The following ST3GAL4 variants were observed in gnomAD, a reference collection of about 807,000 sequenced individuals.
ST3GAL4 encodes the protein ST3 beta-galactoside alpha-2,3-sialyltransferase 4.
In ST3GAL4, 24 loss-of-function variants were observed where a neutral mutation model predicts 42.6. That is an observed-to-expected ratio of 0.56 (90% confidence interval 0.41 to 0.79). The LOEUF (loss-of-function observed/expected upper bound fraction) is 0.79, where lower values mean the gene tolerates loss of function less well. Among genes scored for constraint, ST3GAL4 ranks in the 30% least tolerant of loss-of-function variants. ST3GAL4 has a pLI of 0.00. For missense variants in ST3GAL4, 311 were observed against 430.8 expected (o/e 0.72, Z 2.46); for synonymous variants, 135 against 163.2 (o/e 0.83, Z 1.32).
chr11:126,409,606 A>G lies in ST3GAL4; in HGVS notation c.771+195A>G, dbSNP rs1954429340. The stretch of plus-strand genomic sequence containing the variant: ...CACTTTAGAGAACCAAGGGGCATTT[A>G]CTAAGTGGGGAGGGATGGGGATGGC... On this transcript the variant is annotated intron_variant, in intron 9 of 10. Transcript: ENST00000444328. This position sits in a 1 kb window ranked among gnomAD's most constrained non-coding sequence, Gnocchi z 4.9. Among the ~76,000 whole-genome samples, 1 of 152,118 alleles carries G rather than the reference A, an allele frequency of 6.6e-6. No individual in the cohort carries two copies.
Position 126,390,618 on chromosome 11 carries a change from CTTTT to C in ST3GAL4, c.-60-15462_-60-15459del, listed in dbSNP as rs58153137. Among the ~76,000 whole-genome samples, 227 of 126,658 alleles carry C rather than the reference CTTTT, an allele frequency of 1.8e-3. 1 individual carries two copies. The highest frequency in any genetic ancestry group is 8.8e-3 in the Middle Eastern group (2 of 228). The allele number at this position is 126,658 out of a possible 152,430, so 83.1% of individuals were successfully genotyped here. A position where few individuals can be genotyped will look rare whatever the true frequency, so the allele number is the denominator to read the frequency against. ...GTGAATTGCCTTTTTGTGTTCTTTG[CTTTT>C]TTTTTTTTTTTTTTTATTTCTTTGA... On this transcript the variant is annotated intron_variant, in intron 1 of 10. Transcript: ENST00000444328.
intron 1 of ST3GAL4, among the ~76,000 whole-genome samples, chr11:126,402,915 G>T (rs1017713390): frequency 6.6e-6 from 1 of 152,236 alleles, no homozygotes; most frequent in Non-Finnish European, 1.5e-5. Flanking sequence ...TGCCCAGCAG[G>T]TCGGGTGAGC....
intron 1 of ST3GAL4, among the ~76,000 whole-genome samples, chr11:126,369,720 A>G (rs999302320): frequency 6.6e-6 from 1 of 152,122 alleles, no homozygotes; most frequent in Non-Finnish European, 1.5e-5. Context: ...TCAAATTATT[A>G]CTTCAAAATG....
rs112013079 is a variant in ST3GAL4 at position 126,379,541 on chromosome 11, G to T, written c.-61+23699G>T. The stretch of plus-strand genomic sequence containing the variant: ...TGCCCAGGCTGCAGTGCAGTGGCAC[G>T]ATCTTGGCTCACTGCAACCTCCACC... On this transcript the variant is annotated intron_variant, in intron 1 of 10. Transcript: ENST00000444328. This position sits in a 1 kb window ranked among gnomAD's most constrained non-coding sequence, Gnocchi z 4.2. 5.3e-5 allele frequency among the ~76,000 whole-genome samples: 8 copies of T among 152,056 alleles called. No homozygotes were observed. The highest frequency in any genetic ancestry group is 8.8e-5 in the Non-Finnish European group (6 of 68,002).
rs897630720 is a variant in ST3GAL4 at position 126,411,483 on chromosome 11, C to T, written c.772-2022C>T. Among the ~76,000 whole-genome samples, 5 of 152,104 alleles carry T rather than the reference C, an allele frequency of 3.3e-5. No individual in the cohort carries two copies. Among genetic ancestry groups the T allele is most frequent in the Admixed American group, 6.6e-5 (1 of 15,264 alleles). ...CCCTAACTAATACCACAAGTTTAGC[C>T]GGCTAAAACAATACCCATGTACTGG... On this transcript the variant is annotated intron_variant, in intron 9 of 10. Transcript: ENST00000444328. This position sits in a 1 kb window ranked among gnomAD's most constrained non-coding sequence, Gnocchi z 6.3.
Position 126,392,227 on chromosome 11 carries a change from A to T in ST3GAL4, c.-60-13869A>T. The stretch of plus-strand genomic sequence containing the variant: ...TCATCTCAGGTTGACCCCCGTTAGG[A>T]GGAAGTAAGTAGGAAGGAAGGAGAT... On this transcript the variant is annotated intron_variant, in intron 1 of 10. Transcript: ENST00000444328. This position sits in a 1 kb window ranked among gnomAD's most constrained non-coding sequence, Gnocchi z 5.8. 1.3e-6 allele frequency: 1 copy of T among 795,928 alleles called. No homozygotes were observed. 49.3% of individuals were successfully genotyped at this position (795,928 alleles called of 1,614,324 possible). A position where few individuals can be genotyped will look rare whatever the true frequency, so the allele number is the denominator to read the frequency against.
At chr11:126,367,189 C>T (rs1952461637) in intron 1 of ST3GAL4, among the ~76,000 whole-genome samples, 1 of 152,116 alleles carries the variant, frequency 6.6e-6, no homozygotes, top group African/African-American at 2.4e-5. Flanking sequence ...GCACCAACTC[C>T]AGGAGGTGCT....
intron 1 of ST3GAL4, among the ~76,000 whole-genome samples, chr11:126,360,741 A>G (rs1272977494): frequency 1.3e-5 from 2 of 152,166 alleles, no homozygotes; most frequent in African/African-American, 2.4e-5. Context: ...TGTCTTGTTC[A>G]CTGGTGTATT....
chr11:126,382,013 C>T (rs992903439), intron 1 of ST3GAL4, among the ~76,000 whole-genome samples: 44 of 152,190 alleles, frequency 2.9e-4, no homozygotes, highest in African/African-American at 9.6e-4. Context: ...CTGGCCTTGG[C>T]CCACCCCCAT....
intron 1 of ST3GAL4, among the ~76,000 whole-genome samples, chr11:126,356,500 A>G (rs1351010137): frequency 2.0e-5 from 3 of 152,332 alleles, no homozygotes; most frequent in Admixed American, 2.0e-4. Context: ...CGGCCAGCCC[A>G]GAACTGCCAA....
Position 126,378,600 on chromosome 11 carries a change from G to C in ST3GAL4, c.-61+22758G>C, listed in dbSNP as rs1305960805. Among the ~76,000 whole-genome samples, 1 of 152,092 alleles carries C rather than the reference G, an allele frequency of 6.6e-6. No homozygotes were observed. The highest frequency in any genetic ancestry group is 2.4e-5 in the African/African-American group (1 of 41,410). ...TTTTTTGTATTTTTAGTAGAGACAGGGTTTCACCGTGTTAGCCAGGATGGT... is the reference window on the plus strand; with the variant it reads ...TTTTTTGTATTTTTAGTAGAGACAGCGTTTCACCGTGTTAGCCAGGATGGT... On this transcript the variant is annotated intron_variant, in intron 1 of 10. Coordinates refer to ENST00000444328, the MANE Select transcript of ST3GAL4 (RefSeq NM_001254757.2). This position sits in a 1 kb window ranked among gnomAD's most constrained non-coding sequence, Gnocchi z 5.3.
chr11:126,381,788 G>A (rs1312817037), intron 1 of ST3GAL4, among the ~76,000 whole-genome samples: 15 of 151,878 alleles, frequency 9.9e-5, no homozygotes, highest in African/African-American at 3.4e-4. Flanking sequence ...TTCCTTGGCC[G>A]CAGCCTGTAA....
rs1954334145 is a variant in ST3GAL4, at chr11:126,408,000, G to A, written c.342-99G>A. The A allele has an allele frequency of 3.0e-6, 4 of 1,328,160 alleles. No homozygotes were observed. The East Asian group carries it at 9.9e-5, about 33-fold the overall frequency. The allele number at this position is 1,328,160 out of a possible 1,614,324, so 82.3% of individuals were successfully genotyped here. On this transcript the variant is annotated intron_variant, in intron 6 of 10. Coordinates refer to ENST00000444328, the MANE Select transcript of ST3GAL4 (RefSeq NM_001254757.2). ...CTTCATGGGGACCAGGGGCTGAGGG[G>A]GCCTAGGAAGTGGTCCTGAGATGGG...
intron 1 of ST3GAL4, among the ~76,000 whole-genome samples, chr11:126,369,091 C>T (rs973969671): frequency 2.0e-5 from 3 of 152,234 alleles, no homozygotes; most frequent in Admixed American, 6.5e-5. Flanking sequence ...GGGTAGGACA[C>T]AAGGAGGGCA....
At chr11:126,365,807 G>A (rs1052926933) in intron 1 of ST3GAL4, among the ~76,000 whole-genome samples, 7 of 152,188 alleles carry the variant, frequency 4.6e-5, no homozygotes, top group Admixed American at 2.6e-4. Context: ...GGGCACAGGT[G>A]CAGAGAGGCT....
chr11:126,360,761 C>G (rs1293654771), intron 1 of ST3GAL4, among the ~76,000 whole-genome samples: 2 of 152,188 alleles, frequency 1.3e-5, no homozygotes, highest in Non-Finnish European at 2.9e-5. Context: ...TTTCTTAATG[C>G]CTGGAATGAT....
At position 126,391,771 on chromosome 11, in the gene ST3GAL4, G is replaced by A. The variant is rs184750913; in HGVS notation, c.-60-14325G>A. Among the ~76,000 whole-genome samples the A allele has an allele frequency of 1.3e-5, 2 of 152,134 alleles. No individual in the cohort carries two copies. Among genetic ancestry groups the A allele is most frequent in the African/African-American group, 2.4e-5 (1 of 41,436 alleles). Reference sequence around the variant, plus strand: ...TCTCTCTTTGTTGGGCTGGGCCAGCGCTTGAATTGAGAGGGGCTGCCATGT... The same window carrying A: ...TCTCTCTTTGTTGGGCTGGGCCAGCACTTGAATTGAGAGGGGCTGCCATGT... On this transcript the variant is annotated intron_variant, in intron 1 of 10. Transcript: ENST00000444328. The surrounding 1 kb of genome is among the most constrained non-coding windows in gnomAD (Gnocchi z 5.5).
At chr11:126,404,582 G>A (rs1354822249) in intron 1 of ST3GAL4, among the ~76,000 whole-genome samples, 1 of 152,158 alleles carries the variant, frequency 6.6e-6, no homozygotes, top group African/African-American at 2.4e-5. Flanking sequence ...TTGCTGTGGG[G>A]TGAGGGGTAG....
Position 126,402,593 on chromosome 11 carries a change from A to G in ST3GAL4, c.-60-3503A>G, listed in dbSNP as rs111570939. ...GACCCCTTCCCCGGAACATTAAGCC[A>G]TATCGCTTTTATGGGTCCAGGGGCT... On this transcript the variant is annotated intron_variant, in intron 1 of 10. Transcript: ENST00000444328. 2.4e-3 allele frequency among the ~76,000 whole-genome samples: 358 copies of G among 152,238 alleles called. 2 individuals are homozygous for G. Among genetic ancestry groups the G allele is most frequent in the Non-Finnish European group, 4.0e-3 (270 of 67,990 alleles).
Sources: gnomAD v4.1 joint callset for allele counts (sites outside exome capture counted in the v4.1 genomes callset) on GRCh38, gnomAD v4.1.1 for gene constraint, Gnocchi (gnomAD v3.1) non-coding constraint, MANE v1.5 for transcripts, NCBI Gene and HGNC (gene_info 2026-07-23, HGNC 2026-07-21) for gene names.